KCNIP4: variants seen among roughly 807,000 people sequenced by gnomAD.
KCNIP4 encodes the protein potassium voltage-gated channel interacting protein 4.
KCNIP4 carries 12 observed loss-of-function variants against 34.0 expected under a neutral mutation model. That is an observed-to-expected ratio of 0.35 (90% CI 0.23 to 0.57). KCNIP4 has a LOEUF of 0.57. Among genes scored for constraint, KCNIP4 ranks in the 20% least tolerant of loss-of-function variants. The pLI, the probability that KCNIP4 is intolerant of heterozygous loss-of-function variation, is 0.83. For synonymous variants in KCNIP4, 124 were observed against 102.2 expected, an observed-to-expected ratio of 1.21 and a Z score of -1.29; for missense variants, 238 against 311.7, an observed-to-expected ratio of 0.76 and a Z score of 1.78.
chr4:21,024,561 A>G (rs1047989528), intron 1 of KCNIP4, among the ~76,000 whole-genome samples: 1 of 152,188 alleles, frequency 6.6e-6, no homozygotes, highest in Non-Finnish European at 1.5e-5. Flanking sequence ...TTACATTTTC[A>G]TATGTATATA....
chr4:20,888,760 T>C (rs943474448), intron 1 of KCNIP4, among the ~76,000 whole-genome samples: 1 of 152,132 alleles, frequency 6.6e-6, no homozygotes, highest in Non-Finnish European at 1.5e-5. Flanking sequence ...AATCCTAGTT[T>C]ACCTCAAAAT....
In KCNIP4 at chr4:21,409,502, G is replaced by T. The variant is rs558418599; in HGVS notation, c.62-526793C>A. Among the ~76,000 whole-genome samples, 5 of 151,972 alleles carry T rather than the reference G, an allele frequency of 3.3e-5. No individual in the cohort carries two copies. The South Asian group carries it at 1.0e-3, about 32-fold the overall frequency. The stretch of plus-strand genomic sequence containing the variant: ...CATCTGTGCTGAAAATTTACCATAT[G>T]AATTAAAATAGGTAAAAAAAATACT... On this transcript the variant is annotated intron_variant, in intron 1 of 8. Coordinates refer to ENST00000382152, the MANE Select transcript of KCNIP4 (RefSeq NM_025221.6).
chr4:20,804,832 G>T (rs187939780), intron 3 of KCNIP4, among the ~76,000 whole-genome samples: 1 of 152,302 alleles, frequency 6.6e-6, no homozygotes, highest in Admixed American at 6.5e-5. Context: ...AAGTCATAGG[G>T]AATGGAAACC....
intron 1 of KCNIP4, among the ~76,000 whole-genome samples, chr4:21,288,302 T>C (rs908694353): frequency 6.6e-6 from 1 of 152,214 alleles, no homozygotes; most frequent in Non-Finnish European, 1.5e-5. Context: ...CTGTGATGCT[T>C]TAATCATGCA....
intron 1 of KCNIP4, among the ~76,000 whole-genome samples, chr4:21,693,936 G>A (rs1212170986): frequency 6.6e-6 from 1 of 152,082 alleles, no homozygotes; most frequent in African/African-American, 2.4e-5. Flanking sequence ...AGAGCTCCAG[G>A]CAATATTCAC....
At chr4:21,893,485 GT>G (rs993468569) in intron 1 of KCNIP4, among the ~76,000 whole-genome samples, 1 of 152,130 alleles carries the variant, frequency 6.6e-6, no homozygotes, top group Non-Finnish European at 1.5e-5. Flanking sequence ...TGAGTAAAAT[GT>G]ATAAAATCTT....
rs568054305 is a variant in KCNIP4 at position 20,817,200 on chromosome 4, G to A, written c.288+33343C>T. ...AATTTAAATTTTAGTAATTCTTGAT[G>A]CAGAATTGGACCTGTGGAATTAGTC... On this transcript the variant is annotated intron_variant, in intron 3 of 8. Transcript: ENST00000382152. Among the ~76,000 whole-genome samples, 10 of 152,292 alleles carry A rather than the reference G, an allele frequency of 6.6e-5. No individual in the cohort carries two copies. In the South Asian group the frequency reaches 2.1e-3, roughly 32 times the overall value.
intron 1 of KCNIP4, among the ~76,000 whole-genome samples, chr4:21,445,354 C>T (rs1282886458): frequency 1.3e-5 from 2 of 152,160 alleles, no homozygotes; most frequent in Non-Finnish European, 2.9e-5. Context: ...GGAGGCATCA[C>T]GCTACCTGAC....
chr4:20,880,168 G>T (rs1465364015), intron 2 of KCNIP4, among the ~76,000 whole-genome samples: 2 of 152,170 alleles, frequency 1.3e-5, no homozygotes, highest in South Asian at 2.1e-4. Context: ...TGGGAAAAAA[G>T]ATATTACTAG....
At chr4:21,277,532 C>T (rs1762513488) in intron 1 of KCNIP4, among the ~76,000 whole-genome samples, 1 of 151,924 alleles carries the variant, frequency 6.6e-6, no homozygotes, top group Non-Finnish European at 1.5e-5. Flanking sequence ...CTCATAAATT[C>T]AAAGAAAATT....
At chr4:20,803,618 G>T (rs2149421967) in intron 3 of KCNIP4, among the ~76,000 whole-genome samples, 1 of 150,022 alleles carries the variant, frequency 6.7e-6, no homozygotes, top group East Asian at 2.0e-4. Flanking sequence ...AGATTGTGTT[G>T]CTTCACTCCA....
At chr4:20,986,394 G>A (rs1736582469) in intron 1 of KCNIP4, among the ~76,000 whole-genome samples, 1 of 152,084 alleles carries the variant, frequency 6.6e-6, no homozygotes. Flanking sequence ...CCTGTGGCGG[G>A]GAAGCAGGTT....
At chr4:21,622,770 G>A (rs1294108377) in intron 1 of KCNIP4, among the ~76,000 whole-genome samples, 2 of 152,062 alleles carry the variant, frequency 1.3e-5, no homozygotes. Flanking sequence ...TTCTCTCAAG[G>A]AAGGAGGAAG....
At chr4:21,890,352 G>C (rs1009991019) in intron 1 of KCNIP4, among the ~76,000 whole-genome samples, 5 of 152,070 alleles carry the variant, frequency 3.3e-5, no homozygotes, top group Non-Finnish European at 7.4e-5. Flanking sequence ...TCTGGAATAT[G>C]CTCTAACTCT....
chr4:21,864,551 G>T (rs895897080), intron 1 of KCNIP4, among the ~76,000 whole-genome samples: 1 of 152,162 alleles, frequency 6.6e-6, no homozygotes, highest in African/African-American at 2.4e-5. Flanking sequence ...CCAGTTATTA[G>T]ATATCTGTCA....
chr4:21,810,789 T>C (rs1721605020), intron 1 of KCNIP4, among the ~76,000 whole-genome samples: 1 of 151,912 alleles, frequency 6.6e-6, no homozygotes, highest in African/African-American at 2.4e-5. Context: ...ATGACTGGCC[T>C]ATTGCTAGGC....
chr4:21,128,886 G>T (rs1488925071), intron 1 of KCNIP4, among the ~76,000 whole-genome samples: 2 of 152,204 alleles, frequency 1.3e-5, no homozygotes, highest in Admixed American at 6.5e-5. Context: ...TTTGGAGCCA[G>T]GCGCTTACCA....
At chr4:20,953,991 T>C (rs1219466379) in intron 1 of KCNIP4, among the ~76,000 whole-genome samples, 15 of 152,194 alleles carry the variant, frequency 9.9e-5, no homozygotes, top group Admixed American at 9.8e-4. Flanking sequence ...AGGTATCCTT[T>C]CTGTGCAGGA....
intron 2 of KCNIP4, among the ~76,000 whole-genome samples, chr4:20,864,085 T>TATAC (rs1474157341): frequency 1.4e-5 from 2 of 146,192 alleles, no homozygotes; most frequent in Non-Finnish European, 3.0e-5. Flanking sequence ...TGTATGTATG[T>TATAC]ATATGCATGT....
Sources: allele counts gnomAD v4.1 joint callset (sites outside exome capture counted in the v4.1 genomes callset), GRCh38; gene constraint gnomAD v4.1.1; transcripts MANE v1.5; gene names NCBI Gene and HGNC (gene_info 2026-07-23, HGNC 2026-07-21).